Variants in BAIAP2L1 observed in about 807,000 individuals in gnomAD.
BAIAP2L1 encodes the protein BAR/IMD domain containing adaptor protein 2 like 1.
A neutral mutation model predicts 66.3 loss-of-function variants in BAIAP2L1; 35 were observed. The ratio of observed to expected loss-of-function variants is 0.53; its 90% confidence interval spans 0.40 to 0.70. The LOEUF is 0.70. Ranked by LOEUF, BAIAP2L1 falls within the 30% of genes least tolerant of loss-of-function variation. BAIAP2L1 has a pLI of 0.00. For missense variants in BAIAP2L1, 622 were observed against 656.9 expected, an observed-to-expected ratio of 0.95 and a Z score of 0.58; for synonymous variants, 269 against 248.7, an observed-to-expected ratio of 1.08 and a Z score of -0.77.
intron 1 of BAIAP2L1, among the ~76,000 whole-genome samples, chr7:98,380,803 G>A (rs1430042287): frequency 1.6e-5 from 2 of 123,288 alleles, no homozygotes; most frequent in Non-Finnish European, 3.3e-5. Flanking sequence ...CACCACCATC[G>A]CCACCACCCA....
At chr7:98,372,341 G>A (rs2115768020) in intron 1 of BAIAP2L1, among the ~76,000 whole-genome samples, 1 of 152,212 alleles carries the variant, frequency 6.6e-6, no homozygotes, top group Admixed American at 6.5e-5. Context: ...AGGAGGTGGA[G>A]GTTGCAGTGA....
In BAIAP2L1 at chr7:98,292,381, G is replaced by T. The variant is rs1213851701; in HGVS notation, c.*1140C>A. The T allele has an allele frequency of 4.4e-6, 2 of 457,208 alleles. No homozygotes were observed. Among genetic ancestry groups the T allele is most frequent in the African/African-American group, 2.0e-5 (1 of 49,866 alleles). 28.3% of individuals were successfully genotyped at this position (457,208 alleles called of 1,614,324 possible). A position where few individuals can be genotyped will look rare whatever the true frequency, so the allele number is the denominator to read the frequency against. On this transcript the variant is annotated 3_prime_UTR_variant, in exon 14 of 14. Transcript: ENST00000005260. Reference sequence around the variant, plus strand: ...CCACCACCACACCTGTCTAATTTTTGTATTTTTAGTAGAGACTCCTGACCT... The same window carrying T: ...CCACCACCACACCTGTCTAATTTTTTTATTTTTAGTAGAGACTCCTGACCT...
chr7:98,354,145 C>T (rs1187882770), intron 3 of BAIAP2L1, among the ~76,000 whole-genome samples: 1 of 152,052 alleles, frequency 6.6e-6, no homozygotes, highest in Non-Finnish European at 1.5e-5. Context: ...CTGCACCCAA[C>T]AGCCCAGCTC....
intron 12 of BAIAP2L1, among the ~76,000 whole-genome samples, chr7:98,297,029 G>T (rs966748984): frequency 6.6e-6 from 1 of 152,202 alleles, no homozygotes; most frequent in Non-Finnish European, 1.5e-5. Flanking sequence ...AGGGCCCCGC[G>T]GGCACTGCCT....
intron 1 of BAIAP2L1, chr7:98,386,583 A>C: frequency 6.3e-7 from 1 of 1,594,568 alleles, no homozygotes; most frequent in South Asian, 1.1e-5. Flanking sequence ...GCCAACCGCC[A>C]TGGTGCTGGT....
intron 1 of BAIAP2L1, among the ~76,000 whole-genome samples, chr7:98,375,075 A>T (rs1802587676): frequency 6.6e-6 from 1 of 151,964 alleles, no homozygotes; most frequent in Non-Finnish European, 1.5e-5. Flanking sequence ...TGACACAGTG[A>T]GACCCTGTCT....
intron 3 of BAIAP2L1, among the ~76,000 whole-genome samples, chr7:98,353,147 A>G (rs1266516929): frequency 6.6e-6 from 1 of 151,506 alleles, no homozygotes; most frequent in Non-Finnish European, 1.5e-5. Flanking sequence ...TTATGGCACC[A>G]ACCAGGGCAC....
chr7:98,298,092 C>T (rs986155364), intron 12 of BAIAP2L1, among the ~76,000 whole-genome samples: 1 of 152,130 alleles, frequency 6.6e-6, no homozygotes, highest in Non-Finnish European at 1.5e-5. Flanking sequence ...AGAGATATCA[C>T]GTGACCTGTG....
chr7:98,316,897 T>C (rs567873036), intron 6 of BAIAP2L1, among the ~76,000 whole-genome samples: 1 of 152,052 alleles, frequency 6.6e-6, no homozygotes, highest in East Asian at 1.9e-4. Flanking sequence ...GGAGTCTCAT[T>C]CTGTCACCCA....
At chr7:98,300,485 T>C (rs913178639) in intron 12 of BAIAP2L1, among the ~76,000 whole-genome samples, 2 of 152,210 alleles carry the variant, frequency 1.3e-5, no homozygotes, top group African/African-American at 4.8e-5. Context: ...AGCATGCAGA[T>C]GACCGCGCCA....
intron 12 of BAIAP2L1, among the ~76,000 whole-genome samples, chr7:98,294,915 G>A (rs927003864): frequency 3.3e-5 from 5 of 152,062 alleles, no homozygotes; most frequent in African/African-American, 7.2e-5. Flanking sequence ...GTGTGTGCGC[G>A]CCTTCTTTCC....
intron 2 of BAIAP2L1, among the ~76,000 whole-genome samples, chr7:98,356,658 G>A (rs1475812938): frequency 2.2e-5 from 2 of 90,786 alleles, no homozygotes; most frequent in African/African-American, 4.1e-5. Flanking sequence ...CACCATTCCT[G>A]GCTAATTAAA....
intron 8 of BAIAP2L1, among the ~76,000 whole-genome samples, chr7:98,311,607 A>G (rs556235331): frequency 6.6e-6 from 1 of 151,562 alleles, no homozygotes; most frequent in Admixed American, 6.6e-5. Context: ...ATAGCGCCAA[A>G]CATAGTATAA....
intron 6 of BAIAP2L1, among the ~76,000 whole-genome samples, chr7:98,316,911 T>A (rs369599712): frequency 6.6e-6 from 1 of 151,848 alleles, no homozygotes; most frequent in African/African-American, 2.4e-5. Flanking sequence ...TCACCCAGGC[T>A]GGAGTGCAGT....
intron 3 of BAIAP2L1, 93 bp downstream of exon 3, chr7:98,354,949 C>T (rs1802085700): frequency 1.1e-6 from 1 of 905,288 alleles, no homozygotes; most frequent in Non-Finnish European, 1.8e-6. Flanking sequence ...GCCCAGATCT[C>T]TCCTCTGTTC....
At chr7:98,385,546 G>T (rs2115820413) in intron 1 of BAIAP2L1, among the ~76,000 whole-genome samples, 1 of 151,744 alleles carries the variant, frequency 6.6e-6, no homozygotes, top group African/African-American at 2.4e-5. Context: ...AGAGTAGCTG[G>T]GATTACAGCC....
intron 3 of BAIAP2L1, among the ~76,000 whole-genome samples, chr7:98,325,496 G>A (rs758506085): frequency 6.6e-6 from 1 of 152,056 alleles, no homozygotes; most frequent in Non-Finnish European, 1.5e-5. Context: ...TGGCCAACAT[G>A]GGAAAACTCC....
At chr7:98,343,956 G>A (rs1379214625) in intron 3 of BAIAP2L1, among the ~76,000 whole-genome samples, 4 of 152,146 alleles carry the variant, frequency 2.6e-5, no homozygotes, top group Admixed American at 6.5e-5. Flanking sequence ...CGAGGCGGAC[G>A]GATCATGAGG....
chr7:98,311,457 C>T (rs1800865305), intron 8 of BAIAP2L1, among the ~76,000 whole-genome samples: 1 of 150,612 alleles, frequency 6.6e-6, no homozygotes, highest in Non-Finnish European at 1.5e-5. Flanking sequence ...GGCAGAATGG[C>T]GTGAACCCAG....
Sources: gnomAD v4.1 joint callset for allele counts (sites outside exome capture counted in the v4.1 genomes callset) on GRCh38, gnomAD v4.1.1 for gene constraint, MANE v1.5 for transcripts, NCBI Gene and HGNC (gene_info 2026-07-23, HGNC 2026-07-21) for gene names.